SLC16A14: variants seen among roughly 807,000 people sequenced by gnomAD.
SLC16A14 encodes monocarboxylate transporter 14.
In SLC16A14, 14 loss-of-function variants were observed where a neutral mutation model predicts 35.8. That is an observed-to-expected ratio of 0.39 (90% CI 0.26 to 0.61). SLC16A14 has a LOEUF of 0.61. Among genes scored for constraint, SLC16A14 ranks in the 20% least tolerant of loss-of-function variants. The pLI is 0.51. For synonymous variants in SLC16A14, 248 were observed against 258.9 expected (o/e 0.96, Z 0.40); for missense variants, 533 against 655.0 (o/e 0.81, Z 2.03).
At chr2:230,062,124 A>G (rs999289808) in intron 1 of SLC16A14, among the ~76,000 whole-genome samples, 34 of 152,278 alleles carry the variant, frequency 2.2e-4, no homozygotes, top group African/African-American at 7.2e-4. Flanking sequence ...TGACCATTAC[A>G]TGATTATTAC....
At chr2:230,053,306 A>G (rs952781659) in intron 2 of SLC16A14, among the ~76,000 whole-genome samples, 6 of 152,218 alleles carry the variant, frequency 3.9e-5, no homozygotes, top group Non-Finnish European at 1.5e-5. Flanking sequence ...CACCATTTCC[A>G]GAAAATAAAA....
intron 4 of SLC16A14, among the ~76,000 whole-genome samples, chr2:230,043,083 A>T (rs1255927011): frequency 6.6e-6 from 1 of 152,258 alleles, no homozygotes; most frequent in Non-Finnish European, 1.5e-5. Flanking sequence ...AGAATTTTAC[A>T]TAATGAGATC....
At chr2:230,052,136 C>T (rs1001329027) in intron 2 of SLC16A14, among the ~76,000 whole-genome samples, 1 of 151,982 alleles carries the variant, frequency 6.6e-6, no homozygotes, top group African/African-American at 2.4e-5. Flanking sequence ...GGGGTTTCAC[C>T]GTGTTAGCCA....
intron 1 of SLC16A14, among the ~76,000 whole-genome samples, chr2:230,063,979 T>C (rs1395538618): frequency 6.6e-6 from 1 of 151,824 alleles, no homozygotes; most frequent in Non-Finnish European, 1.5e-5. Context: ...ATACTTGTGG[T>C]CCCAGCTACC....
chr2:230,053,788 A>G (rs565468031), intron 2 of SLC16A14, among the ~76,000 whole-genome samples: 1 of 152,240 alleles, frequency 6.6e-6, no homozygotes, highest in African/African-American at 2.4e-5. Flanking sequence ...CTAAAAAAAA[A>G]AGTGTCCCAC....
intron 1 of SLC16A14, among the ~76,000 whole-genome samples, chr2:230,062,715 G>A (rs2077760777): frequency 6.6e-6 from 1 of 152,190 alleles, no homozygotes; most frequent in Non-Finnish European, 1.5e-5. Flanking sequence ...CTGGCTAAGG[G>A]TTTACTGGGG....
Position 230,037,526 on chromosome 2 carries a change from TCCAC to T in SLC16A14, c.1383_1386del (p.Trp462SerfsTer20). 6.2e-7 allele frequency: 1 copy of T among 1,602,690 alleles called. No individual in the cohort carries two copies. The highest frequency in any genetic ancestry group is 8.5e-7 in the Non-Finnish European group (1 of 1,176,768). On this transcript the variant is annotated frameshift_variant and splice_region_variant, in exon 5 of 5. Coordinates refer to ENST00000295190, the MANE Select transcript of SLC16A14 (RefSeq NM_152527.5). LOFTEE classifies it high-confidence loss of function. Reference sequence around the variant, plus strand: ...TCATATTTTTGCGTGATGTCATAGATCCACCCTACAAAACAAAAAAGAATATATT... The same window carrying T: ...TCATATTTTTGCGTGATGTCATAGATCCTACAAAACAAAAAAGAATATATT...
At chr2:230,061,644 A>C (rs1472651397) in intron 1 of SLC16A14, among the ~76,000 whole-genome samples, 4 of 152,234 alleles carry the variant, frequency 2.6e-5, no homozygotes, top group African/African-American at 9.6e-5. Context: ...TTACAATTTA[A>C]AATAGTGAAA....
At chr2:230,058,401 A>T (rs891590870) in intron 2 of SLC16A14, 3 of 152,192 alleles carry the variant, frequency 2.0e-5, no homozygotes, top group Non-Finnish European at 1.5e-5. Flanking sequence ...CAAGAGGACA[A>T]ATATTGCATA....
chr2:230,061,909 T>G (rs1301352449), intron 1 of SLC16A14, among the ~76,000 whole-genome samples: 1 of 152,006 alleles, frequency 6.6e-6, no homozygotes, highest in Admixed American at 6.6e-5. Context: ...ACCTGGCTAA[T>G]TTTTGTATTT....
chr2:230,037,632 G>T (rs1280524417), intron 4 of SLC16A14, 101 bp from the exon 5 acceptor site: 12 of 854,498 alleles, frequency 1.4e-5, no homozygotes, highest in Admixed American at 3.0e-5. Context: ...GTTTCTACAA[G>T]AATTTATATG....
Position 230,037,095 on chromosome 2 carries a change from G to T in SLC16A14, c.*285C>A, listed in dbSNP as rs2077524710. The T allele has an allele frequency of 4.8e-6, 1 of 207,456 alleles. No homozygotes were observed. The allele number at this position is 207,456 out of a possible 1,614,324, so 12.9% of individuals were successfully genotyped here. A position where few individuals can be genotyped will look rare whatever the true frequency, so the allele number is the denominator to read the frequency against. On this transcript the variant is annotated 3_prime_UTR_variant, in exon 5 of 5. Coordinates refer to ENST00000295190, the MANE Select transcript of SLC16A14 (RefSeq NM_152527.5). Reference sequence around the variant, plus strand: ...ACCCTAGTCCCAGTAGATGACAAGAGAATGGTTTTTATAAGGGCATTTCTA... The same window carrying T: ...ACCCTAGTCCCAGTAGATGACAAGATAATGGTTTTTATAAGGGCATTTCTA...
chr2:230,049,685 T>C lies in SLC16A14; in HGVS notation c.403+76A>G, dbSNP rs2077641399. On this transcript the variant is annotated intron_variant, in intron 3 of 4. Transcript: ENST00000295190. Reference sequence around the variant, plus strand: ...ACAGAATGTTTTAATGTGTCTCTTTTCTCCACAATTAAATCCACTGCCAAG... The same window carrying C: ...ACAGAATGTTTTAATGTGTCTCTTTCCTCCACAATTAAATCCACTGCCAAG... 3.4e-5 allele frequency: 51 copies of C among 1,506,400 alleles called. 1 individual carries two copies. The highest frequency in any genetic ancestry group is 9.1e-7 in the Non-Finnish European group (1 of 1,094,498). 93.3% of individuals were successfully genotyped at this position (1,506,400 alleles called of 1,614,324 possible).
intron 1 of SLC16A14, among the ~76,000 whole-genome samples, chr2:230,061,531 C>T (rs1487532696): frequency 6.6e-6 from 1 of 152,154 alleles, no homozygotes; most frequent in Admixed American, 6.5e-5. Flanking sequence ...TTTCTCAGAA[C>T]ACTCTAGGTG....
chr2:230,060,389 G>T (rs990901250), intron 1 of SLC16A14, among the ~76,000 whole-genome samples: 2 of 152,150 alleles, frequency 1.3e-5, no homozygotes, highest in South Asian at 2.1e-4. Flanking sequence ...TGTCACCCAG[G>T]CTGGAGTGCA....
chr2:230,063,497 C>G (rs1253210206), intron 1 of SLC16A14, among the ~76,000 whole-genome samples: 2 of 152,012 alleles, frequency 1.3e-5, no homozygotes, highest in Non-Finnish European at 2.9e-5. Context: ...TGAAAAAAGA[C>G]CCTGAAAACA....
rs2077816796 is a variant in SLC16A14 at position 230,068,098 on chromosome 2, C to T, written c.-15+457G>A. 1 of 152,648 alleles carries T rather than the reference C, an allele frequency of 6.6e-6. No homozygotes were observed. Among genetic ancestry groups the T allele is most frequent in the Non-Finnish European group, 1.5e-5 (1 of 68,376 alleles). The allele number at this position is 152,648 out of a possible 1,614,324, so 9.5% of individuals were successfully genotyped here. ...GAGGCATCCGCACCCCGCGAAGTCC[C>T]TAGGCGCAGCCCCGGGTCCCCCGCT... On this transcript the variant is annotated intron_variant, in intron 1 of 4. Coordinates refer to ENST00000295190, the MANE Select transcript of SLC16A14 (RefSeq NM_152527.5). The surrounding 1 kb of genome is among the most constrained non-coding windows in gnomAD (Gnocchi z 5.1).
chr2:230,059,392 C>T (rs1329943184), intron 1 of SLC16A14, 26 bp from the exon 2 acceptor site: 2 of 1,496,476 alleles, frequency 1.3e-6, no homozygotes, highest in Non-Finnish European at 1.8e-6. Context: ...CAAATAATTT[C>T]ATGGAACATC....
Position 230,046,130 on chromosome 2 carries a change from G to C in SLC16A14, c.996C>G (p.Ile332Met), listed in dbSNP as rs2077604379. The change falls in exon 4 of 5, where the codon ATC becomes ATG. Residue 332 changes from isoleucine to methionine, a missense_variant. Coordinates refer to ENST00000295190, the MANE Select transcript of SLC16A14 (RefSeq NM_152527.5). The surrounding 1 kb of genome is among the most constrained non-coding windows in gnomAD (Gnocchi z 5.0). ...WALFAYSSFV[I>M]PFIHLPEIVN... ...CGATTTCTGGGAGGTGAATGAAGGG[G>C]ATGACAAAGCTGCTGTATGCAAACA... 3 of 1,613,834 alleles carry C rather than the reference G, an allele frequency of 1.9e-6. No homozygotes were observed. The highest frequency in any genetic ancestry group is 1.6e-4 in the Middle Eastern group (1 of 6,082).
Sources: allele counts gnomAD v4.1 joint callset (sites outside exome capture counted in the v4.1 genomes callset), GRCh38; gene constraint gnomAD v4.1.1; non-coding constraint Gnocchi (gnomAD v3.1); transcripts MANE v1.5; gene names NCBI Gene and HGNC (gene_info 2026-07-23, HGNC 2026-07-21).